EXOC6: variants seen among roughly 807,000 people sequenced by gnomAD.
The protein encoded by EXOC6 is exocyst complex component 6, also known as SEC15-like 1.
A neutral mutation model predicts 112.5 loss-of-function variants in EXOC6; 60 were observed. The observed-to-expected ratio is 0.53, with a 90% CI of 0.43 to 0.66. EXOC6 has a LOEUF of 0.66. Ranked by LOEUF, EXOC6 falls within the 30% of genes least tolerant of loss-of-function variation. The pLI is 0.00. For synonymous variants in EXOC6, 295 were observed against 308.0 expected, an observed-to-expected ratio of 0.96 and a Z score of 0.44; for missense variants, 855 against 957.1, an observed-to-expected ratio of 0.89 and a Z score of 1.41.
At chr10:93,048,811 C>G (rs1232402706) in intron 20 of EXOC6, among the ~76,000 whole-genome samples, 1 of 149,974 alleles carries the variant, frequency 6.7e-6, no homozygotes, top group Non-Finnish European at 1.5e-5. Flanking sequence ...AAAAAACTTT[C>G]AGGAAACTTT....
intron 20 of EXOC6, among the ~76,000 whole-genome samples, chr10:93,026,061 G>A (rs1046608768): frequency 3.3e-5 from 5 of 152,134 alleles, no homozygotes; most frequent in Non-Finnish European, 7.3e-5. Context: ...ATGTTGTTAC[G>A]TATAGCTGTG....
chr10:92,858,632 T>C (rs535396501), intron 1 of EXOC6, among the ~76,000 whole-genome samples: 1 of 152,340 alleles, frequency 6.6e-6, no homozygotes, highest in South Asian at 2.1e-4. Context: ...TCCATCTCTA[T>C]TTGGTAAGAC....
intron 17 of EXOC6, among the ~76,000 whole-genome samples, chr10:92,958,919 C>T (rs903542433): frequency 3.3e-5 from 5 of 152,042 alleles, no homozygotes; most frequent in Non-Finnish European, 7.4e-5. Context: ...CATGGTGAAA[C>T]CCTGTCTCTA....
At chr10:92,867,208 C>T (rs547503719) in intron 1 of EXOC6, among the ~76,000 whole-genome samples, 2 of 152,214 alleles carry the variant, frequency 1.3e-5, no homozygotes, top group African/African-American at 4.8e-5. Flanking sequence ...TCAGAATAAA[C>T]AGATATGTTA....
chr10:93,047,220 G>A (rs996626126), intron 20 of EXOC6, among the ~76,000 whole-genome samples: 4 of 152,176 alleles, frequency 2.6e-5, no homozygotes, highest in Non-Finnish European at 5.9e-5. Flanking sequence ...AACTAGGACA[G>A]GCGTAGTAAT....
intron 2 of EXOC6, among the ~76,000 whole-genome samples, chr10:92,893,996 A>G (rs1849629900): frequency 1.3e-5 from 2 of 152,186 alleles, no homozygotes; most frequent in Admixed American, 1.3e-4. Context: ...CAGCTAAAAC[A>G]TTATTTATTA....
intron 19 of EXOC6, among the ~76,000 whole-genome samples, chr10:93,003,695 A>G (rs946643362): frequency 6.6e-6 from 1 of 152,234 alleles, no homozygotes; most frequent in African/African-American, 2.4e-5. Context: ...AGACAGGTAC[A>G]TAACTGTAAT....
At position 92,997,309 on chromosome 10, in the gene EXOC6, T is replaced by C. The variant is rs373173337; in HGVS notation, c.1954-165T>C. ...AATATTAATGTTAATTTCTATGATA[T>C]AAAGGTATAACCACTCAGAATACAG... On this transcript the variant is annotated intron_variant, in intron 18 of 21. Transcript: ENST00000260762. 7.8e-4 allele frequency among the ~76,000 whole-genome samples: 119 copies of C among 152,302 alleles called. 2 individuals are homozygous for C. The South Asian group carries it at 0.024, about 30-fold the overall frequency.
chr10:92,955,415 C>T (rs557480786), intron 16 of EXOC6, among the ~76,000 whole-genome samples, 165 bp from the exon 17 acceptor site: 10 of 151,338 alleles, frequency 6.6e-5, no homozygotes, highest in South Asian at 6.3e-4. Context: ...TAAATTCATA[C>T]GCAGTATTTG....
intron 14 of EXOC6, among the ~76,000 whole-genome samples, chr10:92,948,692 A>G (rs1853208260): frequency 1.3e-5 from 2 of 151,878 alleles, no homozygotes; most frequent in South Asian, 4.2e-4. Context: ...TGTTAGGTGG[A>G]TTCCTAGGAG....
intron 1 of EXOC6, among the ~76,000 whole-genome samples, chr10:92,868,608 C>G (rs956506890): frequency 2.0e-5 from 3 of 152,160 alleles, no homozygotes; most frequent in Admixed American, 1.3e-4. Context: ...TGGGATTGAG[C>G]TATAATTATA....
chr10:92,839,851 G>A (rs1183998415), intron 1 of EXOC6, among the ~76,000 whole-genome samples: 1 of 151,924 alleles, frequency 6.6e-6, no homozygotes, highest in Non-Finnish European at 1.5e-5. Flanking sequence ...GGGCTGTGGG[G>A]CGGGGGTGGA....
intron 20 of EXOC6, among the ~76,000 whole-genome samples, chr10:93,043,902 T>C (rs1845894658): frequency 6.6e-6 from 1 of 152,246 alleles, no homozygotes; most frequent in African/African-American, 2.4e-5. Context: ...AGCTGCTTCT[T>C]AACTGAGCTG....
At chr10:92,986,622 G>A (rs77309974) in intron 18 of EXOC6, among the ~76,000 whole-genome samples, 1 of 148,976 alleles carries the variant, frequency 6.7e-6, no homozygotes, top group Non-Finnish European at 1.5e-5. Context: ...CATAAATTCT[G>A]GTTTCATTGA....
At chr10:93,016,136 T>C (rs1177663517) in intron 20 of EXOC6, among the ~76,000 whole-genome samples, 1 of 152,138 alleles carries the variant, frequency 6.6e-6, no homozygotes, top group Non-Finnish European at 1.5e-5. Context: ...CCTATATTTA[T>C]TTGTTTATTT....
chr10:92,938,561 C>T (rs949345404), intron 12 of EXOC6, among the ~76,000 whole-genome samples: 1 of 152,042 alleles, frequency 6.6e-6, no homozygotes, highest in Non-Finnish European at 1.5e-5. Context: ...GCTGACTAAA[C>T]AATAAAGTGA....
At chr10:92,863,501 G>A (rs74981884) in intron 1 of EXOC6, among the ~76,000 whole-genome samples, 1,631 of 152,292 alleles carry the variant, frequency 0.011, 33 homozygotes, top group African/African-American at 0.037. Context: ...TTGAGGCTGG[G>A]TGCAGTAGCT....
At chr10:92,915,588 A>G (rs577135332) in intron 6 of EXOC6, among the ~76,000 whole-genome samples, 170 bp from the exon 7 acceptor site, 7 of 87,768 alleles carry the variant, frequency 8.0e-5, no homozygotes, top group Non-Finnish European at 1.6e-4. Context: ...TTTTTTTTTT[A>G]AAAAAAGGAA....
At chr10:92,980,136 G>C (rs1001453411) in intron 18 of EXOC6, among the ~76,000 whole-genome samples, 1 of 152,128 alleles carries the variant, frequency 6.6e-6, no homozygotes, top group Non-Finnish European at 1.5e-5. Context: ...TTCACGTGAG[G>C]AATGTTTATC....
Sources: gnomAD v4.1 joint callset for allele counts (sites outside exome capture counted in the v4.1 genomes callset) on GRCh38, gnomAD v4.1.1 for gene constraint, MANE v1.5 for transcripts, NCBI Gene and HGNC (gene_info 2026-07-23, HGNC 2026-07-21) for gene names.